Variants in PIK3C2G observed in about 807,000 individuals in gnomAD.
The protein encoded by PIK3C2G is phosphatidylinositol-4-phosphate 3-kinase catalytic subunit type 2 gamma, also known as phosphatidylinositol 3-kinase C2 domain-containing subunit gamma.
A neutral mutation model predicts 181.1 loss-of-function variants in PIK3C2G; 168 were observed. The ratio of observed to expected loss-of-function variants is 0.93; its 90% CI spans 0.82 to 1.05. The LOEUF is 1.05. PIK3C2G is among the 50% of genes least tolerant of loss of function. The pLI is 0.00. For synonymous variants in PIK3C2G, 573 were observed against 592.2 expected (o/e 0.97, Z 0.47); for missense variants, 1,869 against 1,732.8 (o/e 1.08, Z -1.40).
At chr12:18,464,568 C>A (rs1348610737) in intron 18 of PIK3C2G, among the ~76,000 whole-genome samples, 1 of 152,038 alleles carries the variant, frequency 6.6e-6, no homozygotes, top group African/African-American at 2.4e-5. Context: ...TTCATTTAAT[C>A]TTTCTCATCA....
the PIK3C2G span, among the ~76,000 whole-genome samples, chr12:18,701,338 T>A: frequency 6.6e-6 from 1 of 152,094 alleles, no homozygotes; most frequent in Non-Finnish European, 1.5e-5. Context: ...ATTTAAAAAA[T>A]TCATCTTCCA....
chr12:18,355,099 G>A lies in PIK3C2G; in HGVS notation c.1626-7665G>A, dbSNP rs137988858. On this transcript the variant is annotated intron_variant, in intron 11 of 32. Coordinates refer to ENST00000538779, the MANE Select transcript of PIK3C2G (RefSeq NM_001288772.2). Reference sequence around the variant, plus strand: ...GCATGGCCTCCTTCCATGACGTGGAGGCTTAATTAGCAGAAATTGTCCTGC... The same window carrying A: ...GCATGGCCTCCTTCCATGACGTGGAAGCTTAATTAGCAGAAATTGTCCTGC... Among the ~76,000 whole-genome samples, 149 of 152,334 alleles carry A rather than the reference G, an allele frequency of 9.8e-4. No homozygotes were observed. In the East Asian group the frequency reaches 0.025, roughly 25 times the overall value.
chr12:18,494,547 G>C (rs910517989), intron 20 of PIK3C2G, among the ~76,000 whole-genome samples: 6 of 152,130 alleles, frequency 3.9e-5, no homozygotes, highest in Admixed American at 3.9e-4. Context: ...TACCGCACAT[G>C]AAAACCAAGA....
chr12:18,311,957 G>T (rs1950655305), intron 5 of PIK3C2G, among the ~76,000 whole-genome samples: 1 of 152,134 alleles, frequency 6.6e-6, no homozygotes, highest in South Asian at 2.1e-4. Flanking sequence ...GAAGAACTTG[G>T]AATCTGATGT....
chr12:18,278,247 T>C (rs968494331), intron 1 of PIK3C2G, among the ~76,000 whole-genome samples: 1 of 152,170 alleles, frequency 6.6e-6, no homozygotes. Flanking sequence ...TATTCCTTTC[T>C]GGAGGCTCCA....
chr12:18,395,657 G>A (rs970364870), intron 15 of PIK3C2G, among the ~76,000 whole-genome samples: 5 of 150,470 alleles, frequency 3.3e-5, no homozygotes, highest in African/African-American at 9.7e-5. Flanking sequence ...AGTGATTGAA[G>A]AAAAATGAAT....
chr12:18,265,306 C>T (rs1948436048), intron 1 of PIK3C2G, among the ~76,000 whole-genome samples: 1 of 152,018 alleles, frequency 6.6e-6, no homozygotes, highest in African/African-American at 2.4e-5. Flanking sequence ...TTTAAGGAAT[C>T]ATGAATAAAT....
intron 18 of PIK3C2G, among the ~76,000 whole-genome samples, chr12:18,471,755 G>C (rs530625981): frequency 6.6e-5 from 10 of 152,182 alleles, no homozygotes; most frequent in South Asian, 2.1e-4. Flanking sequence ...TATAATGTAA[G>C]ATCTTGTGTA....
intron 29 of PIK3C2G, among the ~76,000 whole-genome samples, chr12:18,571,403 C>A (rs2136376501): frequency 6.6e-6 from 1 of 150,712 alleles, no homozygotes; most frequent in East Asian, 1.9e-4. Flanking sequence ...TGCAAATTGT[C>A]ATCTTGACTG....
intron 18 of PIK3C2G, among the ~76,000 whole-genome samples, chr12:18,473,410 C>T (rs1938643261): frequency 1.3e-5 from 2 of 152,038 alleles, no homozygotes. Flanking sequence ...GACAAAATGC[C>T]CTGTGTATCT....
chr12:18,712,472 A>C, the PIK3C2G span, among the ~76,000 whole-genome samples: 2 of 152,150 alleles, frequency 1.3e-5, no homozygotes, highest in Non-Finnish European at 2.9e-5. Flanking sequence ...TTGTTGATAC[A>C]TTTTATTTTG....
At chr12:18,260,518 A>C (rs1948205112), upstream of PIK3C2G, among the ~76,000 whole-genome samples, 1 of 152,130 alleles carries the variant, frequency 6.6e-6, no homozygotes, top group East Asian at 1.9e-4. Flanking sequence ...GAAGGGGTAC[A>C]AGGGTCAGGG....
At chr12:18,466,729 A>G (rs1039338010) in intron 18 of PIK3C2G, among the ~76,000 whole-genome samples, 7 of 151,906 alleles carry the variant, frequency 4.6e-5, no homozygotes, top group Non-Finnish European at 1.0e-4. Context: ...CACATAGGGA[A>G]AAAGTCAATA....
intron 18 of PIK3C2G, among the ~76,000 whole-genome samples, chr12:18,430,280 T>C (rs929774837): frequency 1.8e-4 from 27 of 152,292 alleles, no homozygotes; most frequent in African/African-American, 6.3e-4. Context: ...CCAAGTCTGA[T>C]TGAACAAACT....
intron 24 of PIK3C2G, among the ~76,000 whole-genome samples, chr12:18,526,733 C>T (rs1035703218): frequency 6.6e-6 from 1 of 152,108 alleles, no homozygotes; most frequent in Non-Finnish European, 1.5e-5. Context: ...CCTAGGCAAA[C>T]TACACCTCAC....
At chr12:18,591,359 C>G (rs1947069899) in intron 29 of PIK3C2G, among the ~76,000 whole-genome samples, 1 of 151,836 alleles carries the variant, frequency 6.6e-6, no homozygotes, top group Non-Finnish European at 1.5e-5. Context: ...TTTCTGTTAA[C>G]TAGTATTTAT....
intron 13 of PIK3C2G, among the ~76,000 whole-genome samples, chr12:18,380,765 A>G (rs976625959): frequency 6.6e-6 from 1 of 152,228 alleles, no homozygotes; most frequent in African/African-American, 2.4e-5. Flanking sequence ...ATCTTTAAAT[A>G]GAGAAAATGA....
intron 24 of PIK3C2G, among the ~76,000 whole-genome samples, chr12:18,512,245 T>C (rs562224652): frequency 6.6e-6 from 1 of 152,112 alleles, no homozygotes; most frequent in South Asian, 2.1e-4. Context: ...AGTTGGGTAG[T>C]GTGATTCCTC....
At chr12:18,279,550 T>A (rs940539303) in intron 1 of PIK3C2G, among the ~76,000 whole-genome samples, 10 of 152,008 alleles carry the variant, frequency 6.6e-5, no homozygotes, top group Non-Finnish European at 8.8e-5. Flanking sequence ...TTTGCCATAA[T>A]AAACTACAAG....
Sources: gnomAD v4.1 joint callset for allele counts (sites outside exome capture counted in the v4.1 genomes callset) on GRCh38, gnomAD v4.1.1 for gene constraint, MANE v1.5 for transcripts, NCBI Gene and HGNC (gene_info 2026-07-23, HGNC 2026-07-21) for gene names.